Variants in UBE4B observed in about 807,000 individuals in gnomAD.
The protein encoded by UBE4B is ubiquitination factor E4B, also known as ubiquitin conjugation factor E4 B.
Under a neutral mutation model 148.1 loss-of-function variants are expected in UBE4B, and 27 were observed. The ratio of observed to expected loss-of-function variants is 0.18; its 90% confidence interval spans 0.13 to 0.25. UBE4B has a LOEUF of 0.25. UBE4B is among the 10% of genes least tolerant of loss of function. The pLI, the probability that UBE4B is intolerant of heterozygous loss-of-function variation, is 1.00. For missense variants in UBE4B, 1,170 were observed against 1,662.4 expected (o/e 0.70, Z 5.15); for synonymous variants, 596 against 619.3 (o/e 0.96, Z 0.56).
intron 22 of UBE4B, among the ~76,000 whole-genome samples, chr1:10,159,591 A>G (rs1414632535): frequency 1.3e-5 from 2 of 152,314 alleles, no homozygotes; most frequent in African/African-American, 2.4e-5. Flanking sequence ...AGGCTGAGGC[A>G]GGAGAATGGC....
chr1:10,175,910 G>T (rs115384680), intron 25 of UBE4B, among the ~76,000 whole-genome samples: 5 of 152,106 alleles, frequency 3.3e-5, no homozygotes, highest in African/African-American at 1.2e-4. Flanking sequence ...CAGTCACAGC[G>T]TTGCACAGCC....
intron 2 of UBE4B, among the ~76,000 whole-genome samples, chr1:10,086,038 C>A (rs963544238): frequency 6.6e-6 from 1 of 151,958 alleles, no homozygotes; most frequent in Non-Finnish European, 1.5e-5. Context: ...GTGGCACAAT[C>A]TCCGCTTACT....
intron 17 of UBE4B, among the ~76,000 whole-genome samples, chr1:10,139,805 C>G: frequency 6.6e-6 from 1 of 152,152 alleles, no homozygotes; most frequent in East Asian, 1.9e-4. Flanking sequence ...CTTGGCTCAC[C>G]TCAACCTCTG....
At chr1:10,172,666 G>A (rs1415143303) in intron 25 of UBE4B, among the ~76,000 whole-genome samples, 2 of 152,030 alleles carry the variant, frequency 1.3e-5, no homozygotes, top group Non-Finnish European at 2.9e-5. Context: ...CTCATCCAAA[G>A]GAGTAATATT....
intron 21 of UBE4B, among the ~76,000 whole-genome samples, chr1:10,152,402 A>C (rs986839811): frequency 1.3e-5 from 2 of 152,070 alleles, no homozygotes; most frequent in Admixed American, 1.3e-4. Flanking sequence ...AATCTACCCT[A>C]TAGCCAGTGT....
intron 2 of UBE4B, among the ~76,000 whole-genome samples, chr1:10,085,622 A>C (rs764194818): frequency 2.0e-5 from 3 of 152,230 alleles, no homozygotes; most frequent in Non-Finnish European, 4.4e-5. Flanking sequence ...ACACATCTTT[A>C]TAACTTTAAT....
intron 2 of UBE4B, among the ~76,000 whole-genome samples, chr1:10,078,810 A>G (rs1644626838): frequency 1.3e-5 from 2 of 152,052 alleles, no homozygotes; most frequent in Admixed American, 6.6e-5. Context: ...GTCTGCCTGT[A>G]TACTCTCTAG....
At chr1:10,094,393 C>A (rs1367782023) in intron 2 of UBE4B, among the ~76,000 whole-genome samples, 1 of 151,272 alleles carries the variant, frequency 6.6e-6, no homozygotes, top group African/African-American at 2.4e-5. Context: ...GAGAATTTTG[C>A]AGGGAACACC....
chr1:10,048,957 CTGTTTCT>C (rs1313531827), intron 1 of UBE4B, among the ~76,000 whole-genome samples: 1 of 152,182 alleles, frequency 6.6e-6, no homozygotes, highest in East Asian at 1.9e-4. Flanking sequence ...ATTCAACACT[CTGTTTCT>C]CTCTCTTTCC....
Position 10,103,172 on chromosome 1 carries a change from A to G in UBE4B, c.580+80A>G, listed in dbSNP as rs1251271221. ...GTGAGATCTTTGCCCTCTGTTATCC[A>G]CATTCACTCCATCTTGCTCTTGGGT... On this transcript the variant is annotated intron_variant, in intron 5 of 27. Transcript: ENST00000343090. 8 of 1,418,220 alleles carry G rather than the reference A, an allele frequency of 5.6e-6. No homozygotes were observed. In the Admixed American group the frequency reaches 1.0e-4, roughly 18 times the overall value. The allele number at this position is 1,418,220 out of a possible 1,614,324, so 87.9% of individuals were successfully genotyped here. A position where few individuals can be genotyped will look rare whatever the true frequency, so the allele number is the denominator to read the frequency against.
intron 24 of UBE4B, 25 bp from the exon 25 acceptor site, chr1:10,171,113 G>A: frequency 6.2e-7 from 1 of 1,605,926 alleles, no homozygotes; most frequent in Non-Finnish European, 8.5e-7. Context: ...AGCATGAATT[G>A]TCCTATTATC....
chr1:10,133,677 G>T (rs1000979238), intron 15 of UBE4B, among the ~76,000 whole-genome samples: 1 of 152,098 alleles, frequency 6.6e-6, no homozygotes, highest in South Asian at 2.1e-4. Context: ...TTGGGAGGCC[G>T]AGGTGGGAGG....
rs373123755 is a variant in UBE4B at position 10,130,586 on chromosome 1, C to G, written c.1782C>G (p.Phe594Leu). 6.2e-6 allele frequency: 10 copies of G among 1,614,182 alleles called. No individual in the cohort carries two copies. Among genetic ancestry groups the G allele is most frequent in the Non-Finnish European group, 8.5e-6 (10 of 1,180,034 alleles). The change falls in exon 13 of 28, where the codon TTC becomes TTG. Residue 594 changes from phenylalanine to leucine, a missense_variant. This residue lies in a region of UBE4B where 388 missense variants were observed against 536.0 expected (regional missense o/e 0.72). Transcript: ENST00000343090. ...AGAGACTCTCTTACTTAGGGGCTTT[C>G]TTTAGCTTCTCAGTCTTTGCAGAAG... ...ELQRLSYLGAFFSFSVFAEDD... is the reference protein window; with the variant it reads ...ELQRLSYLGALFSFSVFAEDD...
intron 1 of UBE4B, among the ~76,000 whole-genome samples, chr1:10,064,188 A>G (rs569048393): frequency 2.6e-5 from 4 of 152,142 alleles, no homozygotes; most frequent in African/African-American, 7.2e-5. Context: ...CCTAACCCCT[A>G]CCTGTCCTGA....
intron 2 of UBE4B, among the ~76,000 whole-genome samples, 153 bp from the exon 3 acceptor site, chr1:10,095,308 T>G (rs1248412856): frequency 6.6e-6 from 1 of 152,224 alleles, no homozygotes; most frequent in Non-Finnish European, 1.5e-5. Flanking sequence ...TATTATTGTT[T>G]CCAGCTTTTT....
intron 2 of UBE4B, among the ~76,000 whole-genome samples, chr1:10,095,220 A>G (rs1182257734): frequency 6.6e-6 from 1 of 152,200 alleles, no homozygotes; most frequent in Non-Finnish European, 1.5e-5. Context: ...AGTTTTAGGC[A>G]TTAGATGTAG....
rs764368845 is a variant in UBE4B, at chr1:10,178,777, G to A, written c.3659G>A (p.Arg1220His). Reference sequence around the variant, plus strand: ...GAGGAGATAGTGGCCAAGAACGCACGCGCAGAAATCGACTACAGCGACGCT... The same window carrying A: ...GAGGAGATAGTGGCCAAGAACGCACACGCAGAAATCGACTACAGCGACGCT... ...KVEEIVAKNA[R>H]AEIDYSDAPD... The change falls in exon 26 of 28, where the codon CGC becomes CAC. Residue 1220 changes from arginine (R) to histidine (H), a missense_variant. Arg to His is a conservative substitution (Grantham distance 29). This residue lies in a region of UBE4B where 348 missense variants were observed against 627.2 expected (regional missense o/e 0.55). Transcript: ENST00000343090. The A allele has an allele frequency of 8.1e-6, 13 of 1,613,100 alleles. No homozygotes were observed. The highest frequency in any genetic ancestry group is 2.2e-5 in the South Asian group (2 of 90,948).
rs766135114 is a variant in UBE4B, at chr1:10,106,615, T to C, written c.1196+32T>C. ...ATCCCACAGGAGAGTTGCATGTGTG[T>C]TTGCGGTGCAGGGAAAGGAGATTAA... is the stretch of plus-strand genomic sequence containing the variant. On this transcript the variant is annotated intron_variant, in intron 7 of 27. Coordinates refer to ENST00000343090, the MANE Select transcript of UBE4B (RefSeq NM_001105562.3). This position sits in a 1 kb window ranked among gnomAD's most constrained non-coding sequence, Gnocchi z 4.2. 104 of 1,500,844 alleles carry C rather than the reference T, an allele frequency of 6.9e-5. No individual in the cohort carries two copies. The highest frequency in any genetic ancestry group is 8.6e-5 in the Non-Finnish European group (98 of 1,133,272). 93.0% of individuals were successfully genotyped at this position (1,500,844 alleles called of 1,614,324 possible).
At chr1:10,109,046 A>T (rs893838281) in intron 7 of UBE4B, among the ~76,000 whole-genome samples, 1 of 152,130 alleles carries the variant, frequency 6.6e-6, no homozygotes, top group African/African-American at 2.4e-5. Flanking sequence ...CCTCAGATCT[A>T]AATTCTCTCC....
Sources: gnomAD v4.1 joint callset for allele counts (sites outside exome capture counted in the v4.1 genomes callset) on GRCh38, gnomAD v4.1.1 for gene constraint, gnomAD v4.1.1 regional missense constraint, Gnocchi (gnomAD v3.1) non-coding constraint, MANE v1.5 for transcripts, NCBI Gene and HGNC (gene_info 2026-07-23, HGNC 2026-07-21) for gene names.